The following C10orf88 variants were observed in gnomAD, a reference collection of about 807,000 sequenced individuals.
C10orf88 encodes chromosome 10 open reading frame 88.
A neutral mutation model predicts 34.2 loss-of-function variants in C10orf88; 29 were observed. The ratio of observed to expected loss-of-function variants is 0.85; its 90% CI spans 0.63 to 1.16. C10orf88 has a LOEUF of 1.16. C10orf88 is among the 50% of genes most tolerant of loss of function. C10orf88 has a pLI of 0.00. For synonymous variants in C10orf88, 194 were observed against 197.4 expected, an observed-to-expected ratio of 0.98 and a Z score of 0.15; for missense variants, 507 against 533.2, an observed-to-expected ratio of 0.95 and a Z score of 0.48.
intron 4 of C10orf88, among the ~76,000 whole-genome samples, chr10:122,943,314 T>A (rs1848604289): frequency 3.4e-5 from 5 of 148,224 alleles, no homozygotes; most frequent in African/African-American, 1.0e-4. Flanking sequence ...GAAAACTGGC[T>A]AGCCATATGT....
chr10:122,949,388 A>G (rs989652411), intron 3 of C10orf88, among the ~76,000 whole-genome samples: 4 of 152,170 alleles, frequency 2.6e-5, no homozygotes, highest in African/African-American at 9.7e-5. Flanking sequence ...CCTTCCTGTA[A>G]TGACGTGACA....
rs979320823 is a variant in C10orf88, at chr10:122,931,438, T to C, written c.*989A>G. ...TTAAATGAGTATGAGATACCCTTTT[T>C]CTAAAAAATAAGACATTTGAAGTAA... is the stretch of plus-strand genomic sequence containing the variant. On this transcript the variant is annotated 3_prime_UTR_variant, in exon 6 of 6. Transcript: ENST00000481909. 5 of 152,156 alleles carry C rather than the reference T, an allele frequency of 3.3e-5. No individual in the cohort carries two copies. The highest frequency in any genetic ancestry group is 1.2e-4 in the African/African-American group (5 of 41,424). The allele number at this position is 152,156 out of a possible 1,614,324, so 9.4% of individuals were successfully genotyped here. A position where few individuals can be genotyped will look rare whatever the true frequency, so the allele number is the denominator to read the frequency against.
intron 4 of C10orf88, among the ~76,000 whole-genome samples, chr10:122,939,415 A>C: frequency 6.6e-6 from 1 of 151,972 alleles, no homozygotes; most frequent in South Asian, 2.1e-4. Flanking sequence ...GGTGATAAAT[A>C]CTTTAGGGAA....
Position 122,954,000 on chromosome 10 carries a change from G to C in C10orf88, c.164+15C>G, listed in dbSNP as rs1379017137. ...TGCCGAGCATAGCGACCCCGTCCCCGTCGGCCCGGCGCACCCTGGAGCAGG... is the reference window on the plus strand; with the variant it reads ...TGCCGAGCATAGCGACCCCGTCCCCCTCGGCCCGGCGCACCCTGGAGCAGG... On this transcript the variant is annotated intron_variant, in intron 1 of 5. Transcript: ENST00000481909. The C allele has an allele frequency of 2.0e-6, 3 of 1,508,458 alleles. No individual in the cohort carries two copies. The highest frequency in any genetic ancestry group is 1.2e-5 in the South Asian group (1 of 81,828). 93.4% of individuals were successfully genotyped at this position (1,508,458 alleles called of 1,614,324 possible).
rs1261365716 is a variant in C10orf88 at position 122,931,413 on chromosome 10, T to C, written c.*1014A>G. 6.6e-6 allele frequency: 1 copy of C among 152,192 alleles called. No individual in the cohort carries two copies. Among genetic ancestry groups the C allele is most frequent in the African/African-American group, 2.4e-5 (1 of 41,444 alleles). 9.4% of individuals were successfully genotyped at this position (152,192 alleles called of 1,614,324 possible). ...TTTAAAGAAGAAATTTGCCAAAATA[T>C]TAAATGAGTATGAGATACCCTTTTT... On this transcript the variant is annotated 3_prime_UTR_variant, in exon 6 of 6. Coordinates refer to ENST00000481909, the MANE Select transcript of C10orf88 (RefSeq NM_024942.4).
chr10:122,947,949 A>G (rs941462938), intron 4 of C10orf88, among the ~76,000 whole-genome samples: 1 of 152,164 alleles, frequency 6.6e-6, no homozygotes, highest in Non-Finnish European at 1.5e-5. Context: ...GACGAGGGGA[A>G]TGACGTGCAG....
chr10:122,945,639 G>A (rs1848632259), intron 4 of C10orf88, among the ~76,000 whole-genome samples: 1 of 151,424 alleles, frequency 6.6e-6, no homozygotes, highest in Non-Finnish European at 1.5e-5. Context: ...AAGCAAAAAA[G>A]TTTAAAACTT....
chr10:122,948,555 T>G lies in C10orf88; in HGVS notation c.648+94A>C. The G allele has an allele frequency of 8.5e-6, 10 of 1,179,342 alleles. No individual in the cohort carries two copies. The South Asian group carries it at 1.5e-4, about 18-fold the overall frequency. The allele number at this position is 1,179,342 out of a possible 1,614,324, so 73.1% of individuals were successfully genotyped here. ...CTAAAAGATAACAGTTAAATCAGTA[T>G]GAAAGAAAAATTTTAAGTCACTACA... On this transcript the variant is annotated intron_variant, in intron 4 of 5. Transcript: ENST00000481909.
At chr10:122,943,631 A>G (rs1235101152) in intron 4 of C10orf88, among the ~76,000 whole-genome samples, 1 of 152,234 alleles carries the variant, frequency 6.6e-6, no homozygotes, top group Non-Finnish European at 1.5e-5. Flanking sequence ...CTCATCTGAC[A>G]AAGGGCTAAT....
Position 122,932,481 on chromosome 10 carries a change from C to A in C10orf88, c.1284G>T (p.Gly428=). ...CAGAGTCATAATGTCTTAGAGGTATCCCAGTGGGCGGGGAGTTAGGATTTT... is the reference window on the plus strand; with the variant it reads ...CAGAGTCATAATGTCTTAGAGGTATACCAGTGGGCGGGGAGTTAGGATTTT... ...LLQNPNSPPT[G]IPLRHYDSGE... is the part of the protein sequence containing the mutation. Residue 428 remains glycine (G), a synonymous_variant, in exon 6 of 6, where the codon GGG becomes GGT. Coordinates refer to ENST00000481909, the MANE Select transcript of C10orf88 (RefSeq NM_024942.4). 1 of 1,613,968 alleles carries A rather than the reference C, an allele frequency of 6.2e-7. No homozygotes were observed. The highest frequency in any genetic ancestry group is 8.5e-7 in the Non-Finnish European group (1 of 1,179,962).
intron 5 of C10orf88, among the ~76,000 whole-genome samples, chr10:122,934,571 A>C (rs1044169357): frequency 6.6e-6 from 1 of 152,134 alleles, no homozygotes; most frequent in East Asian, 1.9e-4. Context: ...ACCTATTGCT[A>C]AGACATTTTA....
In C10orf88 at chr10:122,952,929, T is replaced by A. The variant is rs367679397; in HGVS notation, c.268A>T (p.Ile90Phe). ...GPDGGEEIAS[I>F]GILSSARNME... ...TTTCTTGCTGAACTTAAAATGCCAA[T>A]AGAAGCGATTTCTTCACCTCCATCA... Residue 90 changes from isoleucine to phenylalanine, a missense_variant, in exon 2 of 6, where the codon ATT becomes TTT. Coordinates refer to ENST00000481909, the MANE Select transcript of C10orf88 (RefSeq NM_024942.4). 1.2e-6 allele frequency: 2 copies of A among 1,614,036 alleles called. No individual in the cohort carries two copies. The highest frequency in any genetic ancestry group is 1.6e-4 in the Middle Eastern group (1 of 6,084).
Position 122,953,063 on chromosome 10 carries a change from AG to A in C10orf88, c.165-32del, listed in dbSNP as rs778435657. On this transcript the variant is annotated intron_variant, in intron 1 of 5. Transcript: ENST00000481909. ...AAGAAAATTGGTGAAAACATCACAC[AG>A]TATAGTTCTCTGAACATGACTCTTC... is the stretch of plus-strand genomic sequence containing the variant. 6 of 1,523,992 alleles carry A rather than the reference AG, an allele frequency of 3.9e-6. No homozygotes were observed. The East Asian group carries it at 1.4e-4, about 35-fold the overall frequency. 94.4% of individuals were successfully genotyped at this position (1,523,992 alleles called of 1,614,324 possible). A position where few individuals can be genotyped will look rare whatever the true frequency, so the allele number is the denominator to read the frequency against.
At chr10:122,952,775 G>C (rs1848702730) in intron 2 of C10orf88, 54 bp downstream of exon 2, 3 of 1,594,106 alleles carry the variant, frequency 1.9e-6, no homozygotes, top group Admixed American at 3.4e-5. Flanking sequence ...CAAAAAGTGA[G>C]AAAAATCAAA....
Position 122,938,090 on chromosome 10 carries a change from G to C in C10orf88, c.718C>G (p.Leu240Val). Residue 240 changes from leucine (L) to valine (V), a missense_variant, in exon 5 of 6, where the codon CTA becomes GTA. Physicochemically the swap from Leu to Val is conservative, Grantham distance 32. Coordinates refer to ENST00000481909, the MANE Select transcript of C10orf88 (RefSeq NM_024942.4). Reference protein sequence around the residue: ...GNSGYKHMIGLQSSSTLGTLN... With the variant: ...GNSGYKHMIGVQSSSTLGTLN... ...GTTCCTAAGGTAGATGAGGATTGTA[G>C]TCCAATCATATGCTTGTATCCAGAA... 1 of 1,613,006 alleles carries C rather than the reference G, an allele frequency of 6.2e-7. No homozygotes were observed. The highest frequency in any genetic ancestry group is 8.5e-7 in the Non-Finnish European group (1 of 1,179,258).
At position 122,937,985 on chromosome 10, in the gene C10orf88, A is replaced by C. The variant is rs1207080615; in HGVS notation, c.823T>G (p.Tyr275Asp). 1.9e-6 allele frequency: 3 copies of C among 1,613,232 alleles called. No individual in the cohort carries two copies. In the Admixed American group the frequency reaches 5.0e-5, roughly 27 times the overall value. The change falls in exon 5 of 6, where the codon TAC (tyrosine) becomes GAC (aspartate). Residue 275 changes from tyrosine (Y) to aspartate (D), a missense_variant. Physicochemically the swap from Tyr to Asp is radical, Grantham distance 160. Transcript: ENST00000481909. The part of the protein sequence containing the change: ...SGNVTENLQT[Y>D]IDKSTQLPGG... ...GGCAGTTGTGTACTTTTATCAATGTAAGTTTGTAAGTTTTCAGTCACGTTC... is the reference window on the plus strand; with the variant it reads ...GGCAGTTGTGTACTTTTATCAATGTCAGTTTGTAAGTTTTCAGTCACGTTC...
chr10:122,953,380 G>T (rs551934164), intron 1 of C10orf88, among the ~76,000 whole-genome samples: 33 of 152,224 alleles, frequency 2.2e-4, no homozygotes, highest in Middle Eastern at 6.8e-3. Context: ...CCCGGCCGGG[G>T]CTTCTTTCTT....
chr10:122,945,114 ATG>A (rs1164376745), intron 4 of C10orf88, among the ~76,000 whole-genome samples: 9 of 151,698 alleles, frequency 5.9e-5, no homozygotes, highest in African/African-American at 2.2e-4. Context: ...AGATATATGT[ATG>A]TGTCACATTA....
intron 5 of C10orf88, among the ~76,000 whole-genome samples, chr10:122,933,070 A>G (rs4980169): frequency 0.56 from 85,186 of 151,976 alleles, 24,066 homozygotes; most frequent in Non-Finnish European, 0.58. Flanking sequence ...CTAAACTACT[A>G]GAAGGTTCTT....
Sources: allele counts gnomAD v4.1 joint callset (sites outside exome capture counted in the v4.1 genomes callset), GRCh38; gene constraint gnomAD v4.1.1; transcripts MANE v1.5; gene names NCBI Gene and HGNC (gene_info 2026-07-23, HGNC 2026-07-21).